The following NAA25 variants were observed in gnomAD, a reference collection of about 807,000 sequenced individuals.
NAA25 encodes the protein N-alpha-acetyltransferase 25, NatB auxiliary subunit.
Under a neutral mutation model 132.5 loss-of-function variants are expected in NAA25, and 30 were observed. The ratio of observed to expected loss-of-function variants is 0.23; its 90% CI spans 0.17 to 0.31. NAA25 has a LOEUF of 0.31. NAA25 is among the 10% of genes least tolerant of loss of function. The pLI is 1.00. For missense variants in NAA25, 771 were observed against 1,150.4 expected (o/e 0.67, Z 4.77); for synonymous variants, 359 against 401.9 (o/e 0.89, Z 1.28).
intron 23 of NAA25, among the ~76,000 whole-genome samples, chr12:112,032,201 C>T (rs1395590942): frequency 1.3e-5 from 2 of 152,010 alleles, no homozygotes; most frequent in African/African-American, 4.8e-5. Context: ...CTCCTGACTT[C>T]GTGATCTGCC....
intron 13 of NAA25, among the ~76,000 whole-genome samples, chr12:112,059,889 C>A (rs1737621642): frequency 6.6e-6 from 1 of 150,962 alleles, no homozygotes; most frequent in Non-Finnish European, 1.5e-5. Flanking sequence ...CTCACTGCAA[C>A]CTCCGCCTCC....
rs2078113504 is a variant in NAA25, at chr12:112,028,759, A to G, written c.*772T>C. On this transcript the variant is annotated 3_prime_UTR_variant, in exon 24 of 24. Coordinates refer to ENST00000261745, the MANE Select transcript of NAA25 (RefSeq NM_024953.4). ...CCTATCTTTCCCAAATGTATGAAAGACAGAAAGCTAGTCCTCAGCGGGCTT... is the reference window on the plus strand; with the variant it reads ...CCTATCTTTCCCAAATGTATGAAAGGCAGAAAGCTAGTCCTCAGCGGGCTT... 1 of 152,178 alleles carries G rather than the reference A, an allele frequency of 6.6e-6. No individual in the cohort carries two copies. Among genetic ancestry groups the G allele is most frequent in the Non-Finnish European group, 1.5e-5 (1 of 68,040 alleles). 9.4% of individuals were successfully genotyped at this position (152,178 alleles called of 1,614,324 possible). A position where few individuals can be genotyped will look rare whatever the true frequency, so the allele number is the denominator to read the frequency against.
chr12:112,036,285 C>A (rs934127840), intron 22 of NAA25, among the ~76,000 whole-genome samples: 1 of 152,184 alleles, frequency 6.6e-6, no homozygotes, highest in African/African-American at 2.4e-5. Context: ...TGTCTATACT[C>A]ACTGGAACGT....
chr12:112,098,657 T>C lies in NAA25; in HGVS notation c.59-5521A>G, dbSNP rs561028990. On this transcript the variant is annotated intron_variant, in intron 1 of 23. Coordinates refer to ENST00000261745, the MANE Select transcript of NAA25 (RefSeq NM_024953.4). ...CAGGCAATGGAAACAATAAGATGTA[T>C]TGGTTAAAGCAGTATTTTCCAAAGC... 1.8e-4 allele frequency among the ~76,000 whole-genome samples: 27 copies of C among 152,290 alleles called. No individual in the cohort carries two copies. In the South Asian group the frequency reaches 4.8e-3, roughly 27 times the overall value.
chr12:112,067,153 C>T (rs1282752603), intron 11 of NAA25, among the ~76,000 whole-genome samples: 1 of 151,956 alleles, frequency 6.6e-6, no homozygotes, highest in African/African-American at 2.4e-5. Context: ...GAGCAGAGAT[C>T]GCGCCAACAC....
At chr12:112,066,924 T>C (rs918693306) in intron 11 of NAA25, among the ~76,000 whole-genome samples, 1 of 152,210 alleles carries the variant, frequency 6.6e-6, no homozygotes, top group African/African-American at 2.4e-5. Context: ...TGCACTTCAT[T>C]CATTCCACAT....
At chr12:112,098,443 T>C (rs1418588202) in intron 1 of NAA25, among the ~76,000 whole-genome samples, 1 of 152,244 alleles carries the variant, frequency 6.6e-6, no homozygotes, top group African/African-American at 2.4e-5. Flanking sequence ...ATTTTCATTT[T>C]ACATTACTAA....
chr12:112,093,308 G>A (rs2079164213), intron 1 of NAA25, among the ~76,000 whole-genome samples, 172 bp from the exon 2 acceptor site: 1 of 152,072 alleles, frequency 6.6e-6, no homozygotes, highest in East Asian at 1.9e-4. Flanking sequence ...GGGAGCCCGA[G>A]GCAGATGGAT....
chr12:112,103,441 C>G (rs866466772), intron 1 of NAA25, among the ~76,000 whole-genome samples: 1 of 152,132 alleles, frequency 6.6e-6, no homozygotes, highest in Non-Finnish European at 1.5e-5. Context: ...CTCAGCCATC[C>G]AATGGTGATG....
intron 22 of NAA25, among the ~76,000 whole-genome samples, chr12:112,038,097 T>A (rs2078250009): frequency 6.6e-6 from 1 of 152,192 alleles, no homozygotes; most frequent in Admixed American, 6.5e-5. Context: ...CACTGCAACC[T>A]CTGCCTCTCG....
chr12:112,102,718 G>C (rs563807968), intron 1 of NAA25, among the ~76,000 whole-genome samples: 1 of 115,180 alleles, frequency 8.7e-6, no homozygotes, highest in Non-Finnish European at 1.7e-5. Context: ...ATGGAGTCTC[G>C]CACTGGAGCC....
chr12:112,057,715 G>A (rs1358017235), intron 13 of NAA25, among the ~76,000 whole-genome samples: 2 of 152,192 alleles, frequency 1.3e-5, no homozygotes, highest in African/African-American at 4.8e-5. Context: ...ATTAGGCCGG[G>A]CGCAGTGGCT....
intron 15 of NAA25, among the ~76,000 whole-genome samples, chr12:112,053,079 AC>A (rs2078490549): frequency 6.6e-6 from 1 of 152,132 alleles, no homozygotes; most frequent in Admixed American, 6.6e-5. Flanking sequence ...CATATTATTC[AC>A]CTAGGTTTCT....
chr12:112,074,557 C>T (rs760830131), intron 9 of NAA25, 118 bp downstream of exon 9: 25 of 557,840 alleles, frequency 4.5e-5, no homozygotes, highest in Non-Finnish European at 7.1e-5. Flanking sequence ...AAATGTCTTA[C>T]TTTGAAAGGA....
chr12:112,054,248 G>T, intron 14 of NAA25, 140 bp downstream of exon 14: 1 of 722,458 alleles, frequency 1.4e-6, no homozygotes, highest in Non-Finnish European at 2.2e-6. Flanking sequence ...AAATCTTTCT[G>T]GTTTGCAATG....
chr12:112,037,598 A>G (rs1430657484), intron 22 of NAA25: 5 of 139,652 alleles, frequency 3.6e-5, no homozygotes, highest in Admixed American at 2.1e-4. Flanking sequence ...AATCTGGTAG[A>G]TATGTCCTTA....
Position 112,036,899 on chromosome 12 carries a change from G to A in NAA25, c.2649+2330C>T, listed in dbSNP as rs375443377. Reference sequence around the variant, plus strand: ...TGCGTGTGTGTGTGTGTGTGCACGCGCGTGTGCATAAAAACGCTGTCTAGT... The same window carrying A: ...TGCGTGTGTGTGTGTGTGTGCACGCACGTGTGCATAAAAACGCTGTCTAGT... On this transcript the variant is annotated intron_variant, in intron 22 of 23. Transcript: ENST00000261745. Among the ~76,000 whole-genome samples the A allele has an allele frequency of 1.7e-3, 257 of 150,996 alleles. 1 individual carries two copies. The highest frequency in any genetic ancestry group is 5.5e-3 in the African/African-American group (226 of 41,128).
chr12:112,055,290 G>A (rs182387695), intron 13 of NAA25, among the ~76,000 whole-genome samples: 89 of 152,168 alleles, frequency 5.8e-4, no homozygotes, highest in Non-Finnish European at 1.0e-3. Flanking sequence ...AATTACAAAG[G>A]AAAATGTGCA....
At chr12:112,054,108 C>T (rs1362963644) in intron 14 of NAA25, among the ~76,000 whole-genome samples, 3 of 152,130 alleles carry the variant, frequency 2.0e-5, no homozygotes, top group Non-Finnish European at 4.4e-5. Context: ...CGGAAATGAA[C>T]ACTTCAAAAT....
Sources: gnomAD v4.1 joint callset for allele counts (sites outside exome capture counted in the v4.1 genomes callset) on GRCh38, gnomAD v4.1.1 for gene constraint, MANE v1.5 for transcripts, NCBI Gene and HGNC (gene_info 2026-07-23, HGNC 2026-07-21) for gene names.